Variants in GRIP1 observed in about 807,000 individuals in gnomAD.
GRIP1 encodes the protein glutamate receptor-interacting protein 1.
Under a neutral mutation model 129.9 loss-of-function variants are expected in GRIP1, and 45 were observed. That is an observed-to-expected ratio of 0.35 (90% CI 0.27 to 0.44). The LOEUF (loss-of-function observed/expected upper bound fraction) is 0.44. Ranked by LOEUF, GRIP1 falls within the 20% of genes least tolerant of loss-of-function variation. The pLI is 1.00. For synonymous variants in GRIP1, 530 were observed against 520.8 expected, an observed-to-expected ratio of 1.02 and a Z score of -0.24; for missense variants, 1,196 against 1,396.8, an observed-to-expected ratio of 0.86 and a Z score of 2.29.
At chr12:66,467,810 CTTTAGAATGACTAATTTTGATTT>C (rs2059328080) in intron 7 of GRIP1, among the ~76,000 whole-genome samples, 1 of 152,196 alleles carries the variant, frequency 6.6e-6, no homozygotes. Flanking sequence ...CTTTCTAGAA[CTTTAGAATGACTAATTTTGATTT>C]CTCAAACCCA....
At chr12:66,938,070 ATTCGT>A (rs1184788937) in intron 1 of GRIP1, among the ~76,000 whole-genome samples, 1 of 152,224 alleles carries the variant, frequency 6.6e-6, no homozygotes, top group Non-Finnish European at 1.5e-5. Flanking sequence ...TAATTTTTAT[ATTCGT>A]TTCATGTTAA....
At chr12:66,486,246 A>C (rs1336879654) in intron 7 of GRIP1, among the ~76,000 whole-genome samples, 1 of 151,774 alleles carries the variant, frequency 6.6e-6, no homozygotes, top group Non-Finnish European at 1.5e-5. Context: ...TTCAGTATTA[A>C]ATTTGATAGA....
intron 9 of GRIP1, 65 bp downstream of exon 9, chr12:66,462,859 C>A: frequency 8.3e-5 from 76 of 910,344 alleles, no homozygotes; most frequent in Middle Eastern, 3.3e-4. Context: ...TGCTGTCTAA[C>A]TCTGCTAGAG....
At chr12:67,017,864 T>A (rs2042810801) in intron 1 of GRIP1, among the ~76,000 whole-genome samples, 1 of 152,178 alleles carries the variant, frequency 6.6e-6, no homozygotes, top group Admixed American at 6.5e-5. Context: ...CACCAGCAGA[T>A]ACCACATAGG....
In GRIP1 at chr12:66,982,394, G is replaced by C. The variant is rs544374398; in HGVS notation, c.58+86656C>G. The stretch of plus-strand genomic sequence containing the variant: ...TCCTTATATATTCCCCTCCAGTTGA[G>C]CATTAGCTGGACCTAGTGACACCTA... On this transcript the variant is annotated intron_variant, in intron 1 of 1. Transcript: ENST00000643019. Among the ~76,000 whole-genome samples the C allele has an allele frequency of 1.4e-3, 220 of 152,242 alleles. 2 individuals are homozygous for C. Among genetic ancestry groups the C allele is most frequent in the African/African-American group, 4.9e-3 (205 of 41,550 alleles).
At chr12:66,696,516 G>A (rs752543999) in intron 1 of GRIP1, among the ~76,000 whole-genome samples, 4 of 152,048 alleles carry the variant, frequency 2.6e-5, no homozygotes, top group Non-Finnish European at 4.4e-5. Flanking sequence ...GCCAGGCGTG[G>A]TGGCTCTCGT....
At chr12:66,828,504 C>T (rs1319083757) in intron 1 of GRIP1, among the ~76,000 whole-genome samples, 1 of 152,100 alleles carries the variant, frequency 6.6e-6, no homozygotes, top group Non-Finnish European at 1.5e-5. Flanking sequence ...ACATTTATAA[C>T]TGTTATCTCA....
chr12:66,357,589 C>A (rs1195296523), intron 23 of GRIP1, among the ~76,000 whole-genome samples: 2 of 152,124 alleles, frequency 1.3e-5, no homozygotes, highest in Admixed American at 6.5e-5. Context: ...CTGTCTGAAT[C>A]AAAATTTCAT....
At chr12:66,504,852 T>C (rs1293553500) in intron 7 of GRIP1, among the ~76,000 whole-genome samples, 1 of 152,184 alleles carries the variant, frequency 6.6e-6, no homozygotes. Flanking sequence ...AAAAATATTA[T>C]TGAGAGTATC....
chr12:66,468,594 A>G (rs893329623), intron 7 of GRIP1, among the ~76,000 whole-genome samples: 1 of 152,240 alleles, frequency 6.6e-6, no homozygotes, highest in Admixed American at 6.5e-5. Context: ...TTTTCTAAAA[A>G]GTACTAAATC....
rs562533392 is a variant in GRIP1, at chr12:66,613,547, A to G, written c.56-16620T>C. 7.7e-4 allele frequency among the ~76,000 whole-genome samples: 117 copies of G among 152,336 alleles called. 1 individual carries two copies. In the South Asian group the frequency reaches 0.015, roughly 19 times the overall value. On this transcript the variant is annotated intron_variant, in intron 1 of 24. Coordinates refer to ENST00000359742, the MANE Select transcript of GRIP1 (RefSeq NM_001366722.1). The stretch of plus-strand genomic sequence containing the variant: ...AAGTAAGCACTGGTATCCTTGCTTT[A>G]CATGATAAATGATGACAAAGGACAG...
At chr12:66,827,387 T>TGTGTGTGTGTGTGTGAGAGAGAGAGAGA (rs755458052) in intron 1 of GRIP1, among the ~76,000 whole-genome samples, 7 of 108,286 alleles carry the variant, frequency 6.5e-5, no homozygotes, top group South Asian at 7.5e-4. Context: ...TGTGTGTGTG[T>TGTGTGTGTGTGTGTGAGAGAGAGAGAGA]GAGAGAGAGA....
intron 5 of GRIP1, among the ~76,000 whole-genome samples, chr12:66,528,388 C>T (rs1486555870): frequency 3.9e-5 from 6 of 152,092 alleles, no homozygotes; most frequent in Admixed American, 2.6e-4. Flanking sequence ...CTGCCTGCCT[C>T]GGCCTCCCAA....
intron 2 of GRIP1, among the ~76,000 whole-genome samples, chr12:66,566,103 T>A (rs2139448894): frequency 6.6e-6 from 1 of 152,340 alleles, no homozygotes; most frequent in African/African-American, 2.4e-5. Flanking sequence ...CCTAACTGAA[T>A]ACCCTTTATT....
intron 1 of GRIP1, among the ~76,000 whole-genome samples, chr12:66,660,374 T>C (rs532386882): frequency 2.6e-5 from 4 of 152,284 alleles, no homozygotes; most frequent in Admixed American, 6.5e-5. Context: ...TCTTATGTCA[T>C]GGGTAAACCT....
At chr12:66,719,365 G>C (rs996328278) in intron 1 of GRIP1, among the ~76,000 whole-genome samples, 4 of 152,192 alleles carry the variant, frequency 2.6e-5, no homozygotes, top group African/African-American at 9.6e-5. Context: ...GAGGAGATGA[G>C]AGATCTTCCA....
intron 1 of GRIP1, among the ~76,000 whole-genome samples, chr12:66,996,437 C>T (rs532011290): frequency 9.0e-4 from 136 of 151,874 alleles, no homozygotes; most frequent in African/African-American, 3.1e-3. Flanking sequence ...CCTGAGCCAA[C>T]ACAGCAGAAC....
intron 1 of GRIP1, among the ~76,000 whole-genome samples, chr12:66,903,397 C>T (rs1375763057): frequency 6.6e-6 from 1 of 151,036 alleles, no homozygotes; most frequent in East Asian, 1.9e-4. Flanking sequence ...AAAGAGACTG[C>T]CTTTTAAGTA....
chr12:66,503,344 T>C (rs975371399), intron 7 of GRIP1, among the ~76,000 whole-genome samples: 8 of 151,874 alleles, frequency 5.3e-5, no homozygotes, highest in Non-Finnish European at 1.2e-4. Context: ...ACACTGCACA[T>C]GCTCACTTCC....
Sources: allele counts gnomAD v4.1 joint callset (sites outside exome capture counted in the v4.1 genomes callset), GRCh38; gene constraint gnomAD v4.1.1; transcripts MANE v1.5; gene names NCBI Gene and HGNC (gene_info 2026-07-23, HGNC 2026-07-21).